ADAMTS6: variants seen among roughly 807,000 people sequenced by gnomAD.
The protein encoded by ADAMTS6 is ADAM metallopeptidase with thrombospondin type 1 motif 6.
In ADAMTS6, 23 loss-of-function variants were observed where a neutral mutation model predicts 144.3. That is an observed-to-expected ratio of 0.16 (90% CI 0.11 to 0.23). The LOEUF (loss-of-function observed/expected upper bound fraction) is 0.23. Among genes scored for constraint, ADAMTS6 ranks in the 10% least tolerant of loss-of-function variants. ADAMTS6 has a pLI of 1.00. For synonymous variants in ADAMTS6, 444 were observed against 457.5 expected, an observed-to-expected ratio of 0.97 and a Z score of 0.38; for missense variants, 999 against 1,379.6, an observed-to-expected ratio of 0.72 and a Z score of 4.37.
At chr5:65,381,671 C>T (rs1232449735) in intron 7 of ADAMTS6, among the ~76,000 whole-genome samples, 1 of 151,358 alleles carries the variant, frequency 6.6e-6, no homozygotes, top group Non-Finnish European at 1.5e-5. Context: ...CAAGTGTGAG[C>T]CACTATGCCT....
chr5:65,264,776 C>T (rs953853626), intron 12 of ADAMTS6, among the ~76,000 whole-genome samples: 3 of 151,962 alleles, frequency 2.0e-5, no homozygotes, highest in Non-Finnish European at 4.4e-5. Flanking sequence ...CACCACAAAA[C>T]GTTTTATTGG....
intron 20 of ADAMTS6, among the ~76,000 whole-genome samples, chr5:65,213,737 A>G (rs1756700820): frequency 6.6e-6 from 1 of 152,242 alleles, no homozygotes; most frequent in African/African-American, 2.4e-5. Context: ...AGACTTGAAA[A>G]TCAGAAGATG....
intron 20 of ADAMTS6, 90 bp from the exon 21 acceptor site, chr5:65,197,241 T>G: frequency 2.2e-6 from 3 of 1,357,864 alleles, no homozygotes; most frequent in Non-Finnish European, 3.0e-6. Flanking sequence ...GGAATTGACC[T>G]CACTGGATCG....
chr5:65,250,795 C>G (rs1760091201), intron 14 of ADAMTS6, among the ~76,000 whole-genome samples: 1 of 152,070 alleles, frequency 6.6e-6, no homozygotes, highest in Admixed American at 6.6e-5. Flanking sequence ...CAACTAAGCA[C>G]CAGGAAACTC....
Position 65,334,022 on chromosome 5 carries a change from A to T in ADAMTS6, c.1117+20T>A. 7.2e-7 allele frequency: 1 copy of T among 1,391,628 alleles called. No individual in the cohort carries two copies. Among genetic ancestry groups the T allele is most frequent in the Non-Finnish European group, 9.3e-7 (1 of 1,071,176 alleles). 86.2% of individuals were successfully genotyped at this position (1,391,628 alleles called of 1,614,324 possible). On this transcript the variant is annotated intron_variant, in intron 8 of 24. Transcript: ENST00000381055. Reference sequence around the variant, plus strand: ...TAAAAAAAAAAAAAAAAAAAAAAAAAAAAACCAAAAAAAACTTACCCAGTG... The same window carrying T: ...TAAAAAAAAAAAAAAAAAAAAAAAATAAAACCAAAAAAAACTTACCCAGTG...
At chr5:65,274,323 T>C (rs1027546667) in intron 11 of ADAMTS6, among the ~76,000 whole-genome samples, 2 of 152,110 alleles carry the variant, frequency 1.3e-5, no homozygotes, top group Admixed American at 6.6e-5. Context: ...TTTATTTTTA[T>C]ATATAATCAC....
At chr5:65,163,941 A>G (rs192015288) in intron 24 of ADAMTS6, among the ~76,000 whole-genome samples, 54 of 152,366 alleles carry the variant, frequency 3.5e-4, no homozygotes, top group Admixed American at 3.1e-3. Context: ...CAGATTTTAA[A>G]AAGTCACGAT....
At chr5:65,404,299 C>G (rs888765118) in intron 7 of ADAMTS6, among the ~76,000 whole-genome samples, 1 of 152,152 alleles carries the variant, frequency 6.6e-6, no homozygotes, top group Non-Finnish European at 1.5e-5. Context: ...TGCTCCCTGC[C>G]CCTACCCCAT....
intron 11 of ADAMTS6, among the ~76,000 whole-genome samples, chr5:65,288,353 A>T (rs1452419039): frequency 1.4e-5 from 2 of 140,450 alleles, no homozygotes; most frequent in African/African-American, 5.4e-5. Context: ...CTCCCTCTGT[A>T]GCCCAGGCTG....
chr5:65,203,523 A>T (rs534183830), intron 20 of ADAMTS6, among the ~76,000 whole-genome samples: 1 of 152,346 alleles, frequency 6.6e-6, no homozygotes, highest in African/African-American at 2.4e-5. Flanking sequence ...CTTCTTCCAC[A>T]CAGTGTAATG....
At chr5:65,174,626 G>C (rs917582268) in intron 22 of ADAMTS6, among the ~76,000 whole-genome samples, 3 of 152,164 alleles carry the variant, frequency 2.0e-5, no homozygotes, top group Admixed American at 2.0e-4. Flanking sequence ...GATCACCCAC[G>C]GTCTGCCTGT....
At chr5:65,359,111 T>C (rs1220909027) in intron 7 of ADAMTS6, among the ~76,000 whole-genome samples, 1 of 152,136 alleles carries the variant, frequency 6.6e-6, no homozygotes, top group Non-Finnish European at 1.5e-5. Flanking sequence ...GGAGAAAATA[T>C]TTGTAAACCA....
intron 20 of ADAMTS6, among the ~76,000 whole-genome samples, chr5:65,207,851 T>A (rs1247512867): frequency 6.6e-6 from 1 of 152,248 alleles, no homozygotes; most frequent in African/African-American, 2.4e-5. Flanking sequence ...ATTTTAGCTC[T>A]GTATCAGATA....
chr5:65,254,014 T>A (rs947835735), intron 14 of ADAMTS6, among the ~76,000 whole-genome samples: 1 of 149,222 alleles, frequency 6.7e-6, no homozygotes, highest in Non-Finnish European at 1.5e-5. Flanking sequence ...CCAGCTAATT[T>A]TTGTATTTTT....
chr5:65,242,337 T>G, intron 14 of ADAMTS6, 131 bp from the exon 15 acceptor site: 2 of 543,604 alleles, frequency 3.7e-6, no homozygotes, highest in South Asian at 6.8e-5. Flanking sequence ...GGCATTTGCT[T>G]TACTGTTTTA....
intron 7 of ADAMTS6, among the ~76,000 whole-genome samples, chr5:65,387,551 TACA>T (rs1451570843): frequency 6.6e-6 from 1 of 152,226 alleles, no homozygotes; most frequent in Non-Finnish European, 1.5e-5. Context: ...GTCTGAAGGA[TACA>T]ACAAGACACT....
intron 7 of ADAMTS6, among the ~76,000 whole-genome samples, chr5:65,433,268 C>G (rs996781168): frequency 6.6e-6 from 1 of 152,052 alleles, no homozygotes; most frequent in Non-Finnish European, 1.5e-5. Context: ...ATAATAGCTC[C>G]AAATTATTAA....
chr5:65,425,993 C>T (rs965825814), intron 7 of ADAMTS6, among the ~76,000 whole-genome samples: 5 of 151,658 alleles, frequency 3.3e-5, no homozygotes, highest in South Asian at 2.1e-4. Context: ...CCTCGTGATC[C>T]GCCCGCCTCG....
intron 21 of ADAMTS6, among the ~76,000 whole-genome samples, chr5:65,189,059 AG>A (rs545541007): frequency 5.3e-4 from 81 of 152,330 alleles, no homozygotes; most frequent in African/African-American, 1.9e-3. Flanking sequence ...GAAAACAGGC[AG>A]ATCTCTTGTT....
Sources: allele counts gnomAD v4.1 joint callset (sites outside exome capture counted in the v4.1 genomes callset), GRCh38; gene constraint gnomAD v4.1.1; transcripts MANE v1.5; gene names NCBI Gene and HGNC (gene_info 2026-07-23, HGNC 2026-07-21).